CA5B: variants seen among roughly 807,000 people sequenced by gnomAD.
CA5B encodes carbonic anhydrase 5B.
A neutral mutation model predicts 23.1 loss-of-function variants in CA5B; 15 were observed. That is an observed-to-expected ratio of 0.65 (90% CI 0.43 to 1.00). The LOEUF is 1.00. CA5B is among the 50% of genes least tolerant of loss of function. CA5B has a pLI of 0.00. For synonymous variants in CA5B, 84 were observed against 98.5 expected (o/e 0.85, Z 0.87); for missense variants, 236 against 252.2 (o/e 0.94, Z 0.43).
intron 2 of CA5B, among the ~76,000 whole-genome samples, chrX:15,759,691 T>C (rs923572308): frequency 9.6e-6 from 1 of 104,697 alleles, no homozygotes; most frequent in African/African-American, 3.4e-5. Context: ...CATGGAATCC[T>C]TTGCAGGGCT....
In CA5B at chrX:15,785,867, T is replaced by TA. The variant is rs61247855; in HGVS notation, c.*3203_*3204insA. 0.36 allele frequency: 39,321 copies of TA among 108,056 alleles called. 5,153 individuals are homozygous for TA. The highest frequency in any genetic ancestry group is 0.43 in the Admixed American group (4,413 of 10,205). The allele number at this position is 108,056 out of a possible 1,213,427, so 8.9% of individuals were successfully genotyped here. ...CCTCCTAGCTGTCTTGTTTTTTATT[T>TA]TTTTTTATTTTTTTTATTTTTTTGA... On this transcript the variant is annotated 3_prime_UTR_variant, in exon 8 of 8. Transcript: ENST00000318636.
At chrX:15,764,826 G>T in intron 3 of CA5B, 51 bp downstream of exon 3, 1 of 773,211 alleles carries the variant, frequency 1.3e-6, no homozygotes, top group Non-Finnish European at 1.9e-6. Context: ...ACAGTGTCAT[G>T]TTAACAGAGG....
At chrX:15,757,054 CAAAA>C (rs35364577) in intron 2 of CA5B, among the ~76,000 whole-genome samples, 1 of 59,785 alleles carries the variant, frequency 1.7e-5, no homozygotes, top group Admixed American at 2.2e-4. Flanking sequence ...GACTCCGTCT[CAAAA>C]AAAAAAAAAA....
chrX:15,776,349 AAAAAAAAAG>A (rs1931928918), intron 6 of CA5B, among the ~76,000 whole-genome samples: 1 of 108,170 alleles, frequency 9.2e-6, no homozygotes, highest in African/African-American at 3.4e-5. Context: ...AAAAAAAAAA[AAAAAAAAAG>A]AAAAAAGAAA....
chrX:15,751,880 C>G (rs752876857), intron 2 of CA5B, among the ~76,000 whole-genome samples: 206 of 111,799 alleles, frequency 1.8e-3, no homozygotes, highest in Non-Finnish European at 3.3e-3. Flanking sequence ...AAAGACAATT[C>G]TCATTGTTTC....
chrX:15,767,356 G>A (rs1360250520), intron 3 of CA5B, among the ~76,000 whole-genome samples: 1 of 110,765 alleles, frequency 9.0e-6, no homozygotes, highest in East Asian at 2.8e-4. Flanking sequence ...GTAAATAGCT[G>A]TTTTATCTTT....
rs766259473 is a variant in CA5B at position 15,773,212 on chromosome X, T to TA, written c.459+605dup. 9.0e-5 allele frequency among the ~76,000 whole-genome samples: 10 copies of TA among 110,961 alleles called. No individual in the cohort carries two copies. The South Asian group carries it at 3.4e-3, about 38-fold the overall frequency. On this transcript the variant is annotated intron_variant, in intron 4 of 7. Coordinates refer to ENST00000318636, the MANE Select transcript of CA5B (RefSeq NM_007220.4). ...TCCTAATTCAATTGTAAATGTTATG[T>TA]AAAAAAAGCCCATTTAAAAATTTAT...
chrX:15,749,817 C>G (rs933402382), intron 1 of CA5B, 154 bp from the exon 2 acceptor site: 1 of 398,927 alleles, frequency 2.5e-6, no homozygotes, highest in Non-Finnish European at 4.2e-6. Flanking sequence ...GTTTGAGGAA[C>G]AAGAGTGGAT....
rs1374360821 is a variant in CA5B at position 15,783,827 on chromosome X, C to G, written c.*1163C>G. 9.4e-6 allele frequency: 1 copy of G among 106,651 alleles called. No individual in the cohort carries two copies. The highest frequency in any genetic ancestry group is 1.9e-5 in the Non-Finnish European group (1 of 51,749). The allele number at this position is 106,651 out of a possible 1,213,427, so 8.8% of individuals were successfully genotyped here. A position where few individuals can be genotyped will look rare whatever the true frequency, so the allele number is the denominator to read the frequency against. ...AAAAAAGAAAAGAAAAGAAAAAATGCTTAAAGTGCCTAGAACTTAGAATTC... is the reference window on the plus strand; with the variant it reads ...AAAAAAGAAAAGAAAAGAAAAAATGGTTAAAGTGCCTAGAACTTAGAATTC... On this transcript the variant is annotated 3_prime_UTR_variant, in exon 8 of 8. Coordinates refer to ENST00000318636, the MANE Select transcript of CA5B (RefSeq NM_007220.4).
chrX:15,758,333 C>T (rs1166622321), intron 2 of CA5B, among the ~76,000 whole-genome samples: 1 of 110,870 alleles, frequency 9.0e-6, no homozygotes, highest in Non-Finnish European at 1.9e-5. Context: ...TGCATCCTCA[C>T]GTGGTGGAAG....
At chrX:15,741,527 T>C (rs1034847731) in intron 1 of CA5B, among the ~76,000 whole-genome samples, 8 of 110,200 alleles carry the variant, frequency 7.3e-5, no homozygotes, top group Non-Finnish European at 1.3e-4. Context: ...TCGCCCAGGC[T>C]GGAGTGCAGT....
rs780876826 is a variant in CA5B at position 15,749,986 on chromosome X, C to A, written c.-38C>A. On this transcript the variant is annotated 5_prime_UTR_variant, in exon 2 of 8. Coordinates refer to ENST00000318636, the MANE Select transcript of CA5B (RefSeq NM_007220.4). ...ATCCCTCTAGATTATTAAGTTCCTG[C>A]AACTTAACTGGGAACTGATCAAGAT... The A allele has an allele frequency of 8.3e-7, 1 of 1,200,072 alleles. No homozygotes were observed. Among genetic ancestry groups the A allele is most frequent in the Admixed American group, 2.2e-5 (1 of 44,556 alleles).
chrX:15,770,274 A>G (rs1045121122), intron 3 of CA5B, among the ~76,000 whole-genome samples: 1 of 111,331 alleles, frequency 9.0e-6, no homozygotes, highest in Non-Finnish European at 1.9e-5. Context: ...AGATCGTGCC[A>G]CTGCATTCCA....
At chrX:15,771,437 G>GTA (rs751845024) in intron 3 of CA5B, among the ~76,000 whole-genome samples, 5 of 106,390 alleles carry the variant, frequency 4.7e-5, no homozygotes, top group Non-Finnish European at 9.7e-5. Flanking sequence ...GTGTGTGTGT[G>GTA]TGTGTTTGCG....
At chrX:15,774,255 G>GAGA (rs1931875562) in intron 4 of CA5B, 47 bp from the exon 5 acceptor site, 1 of 1,145,273 alleles carries the variant, frequency 8.7e-7, no homozygotes, top group African/African-American at 1.8e-5. Context: ...TTATTCTGGA[G>GAGA]AGATTCTGTA....
rs141211776 is a variant in CA5B at position 15,748,204 on chromosome X, G to T, written c.-53-1767G>T. Among the ~76,000 whole-genome samples, 714 of 112,248 alleles carry T rather than the reference G, an allele frequency of 6.4e-3. 12 individuals are homozygous for T. The highest frequency in any genetic ancestry group is 0.022 in the African/African-American group (693 of 30,945). On this transcript the variant is annotated intron_variant, in intron 1 of 7. Coordinates refer to ENST00000318636, the MANE Select transcript of CA5B (RefSeq NM_007220.4). ...CAAAGGGAAGATGAAGCCGCCATTT[G>T]GAACATGCCTAGTCCTATGTAGTAT...
intron 2 of CA5B, among the ~76,000 whole-genome samples, chrX:15,762,142 C>G (rs889157174): frequency 9.1e-6 from 1 of 109,383 alleles, no homozygotes; most frequent in South Asian, 4.1e-4. Flanking sequence ...TGGTGGCATG[C>G]GCCTGTAATC....
chrX:15,775,850 T>C (rs183220893), intron 6 of CA5B: 78 of 742,943 alleles, frequency 1.0e-4, no homozygotes, highest in African/African-American at 5.7e-4. Flanking sequence ...CCTCTTTCCC[T>C]CTCCTTTCCT....
intron 2 of CA5B, among the ~76,000 whole-genome samples, chrX:15,753,253 G>GGTAGGA (rs1173135453): frequency 1.8e-5 from 2 of 112,654 alleles, no homozygotes; most frequent in Admixed American, 1.9e-4. Flanking sequence ...GGCCTAGAAA[G>GGTAGGA]GTAGGACATC....
Sources: gnomAD v4.1 joint callset for allele counts (sites outside exome capture counted in the v4.1 genomes callset) on GRCh38, gnomAD v4.1.1 for gene constraint, MANE v1.5 for transcripts, NCBI Gene and HGNC (gene_info 2026-07-23, HGNC 2026-07-21) for gene names.